The following CDH18 variants were observed in gnomAD, a reference collection of about 807,000 sequenced individuals.
CDH18 encodes the protein cadherin 18, also known as cadherin-18.
A neutral mutation model predicts 67.9 loss-of-function variants in CDH18; 31 were observed. That is an observed-to-expected ratio of 0.46 (90% CI 0.34 to 0.62). CDH18 has a LOEUF of 0.62. Ranked by LOEUF, CDH18 falls within the 20% of genes least tolerant of loss-of-function variation. The pLI is 0.01. For synonymous variants in CDH18, 362 were observed against 347.2 expected (o/e 1.04, Z -0.48); for missense variants, 890 against 975.5 (o/e 0.91, Z 1.17).
chr5:19,884,749 T>G (rs1788019104), intron 2 of CDH18, among the ~76,000 whole-genome samples: 2 of 152,054 alleles, frequency 1.3e-5, no homozygotes, highest in African/African-American at 4.8e-5. Flanking sequence ...ATTTTATTGT[T>G]GCTTGAAAGG....
At chr5:19,696,311 T>C (rs1762536872) in intron 5 of CDH18, among the ~76,000 whole-genome samples, 2 of 151,630 alleles carry the variant, frequency 1.3e-5, no homozygotes, top group South Asian at 4.2e-4. Context: ...TGGAGTGCAG[T>C]GGCTTGATCT....
chr5:20,054,764 A>G (rs1741756206), intron 2 of CDH18, among the ~76,000 whole-genome samples: 1 of 152,196 alleles, frequency 6.6e-6, no homozygotes, highest in African/African-American at 2.4e-5. Flanking sequence ...GACCCTTTGG[A>G]AAAATGTATC....
At chr5:20,301,103 T>C (rs1181019846) in intron 1 of CDH18, among the ~76,000 whole-genome samples, 5 of 152,184 alleles carry the variant, frequency 3.3e-5, no homozygotes, top group African/African-American at 1.2e-4. Flanking sequence ...TTTTTTTCAA[T>C]GAGCATCTTT....
chr5:20,200,546 T>G (rs1739371220), intron 2 of CDH18, among the ~76,000 whole-genome samples: 3 of 152,016 alleles, frequency 2.0e-5, no homozygotes, highest in African/African-American at 7.2e-5. Context: ...CTTGGTGGTG[T>G]GTATCTGTAG....
At chr5:20,125,551 AAAGT>A (rs1265638039) in intron 2 of CDH18, among the ~76,000 whole-genome samples, 1 of 152,186 alleles carries the variant, frequency 6.6e-6, no homozygotes, top group Non-Finnish European at 1.5e-5. Context: ...CAAACTTTTA[AAAGT>A]AACCTTCCAT....
chr5:19,537,347 A>G (rs1229727643), intron 9 of CDH18, among the ~76,000 whole-genome samples: 7 of 152,058 alleles, frequency 4.6e-5, no homozygotes, highest in Non-Finnish European at 5.9e-5. Context: ...CCAATTTTTT[A>G]TAATAAATCT....
chr5:20,198,729 A>C (rs1012077636), intron 2 of CDH18, among the ~76,000 whole-genome samples: 2 of 152,216 alleles, frequency 1.3e-5, no homozygotes, highest in South Asian at 4.1e-4. Context: ...ACCCCCACCC[A>C]TGACAGGCCT....
At chr5:19,941,409 C>T (rs369312299) in intron 2 of CDH18, among the ~76,000 whole-genome samples, 41 of 152,100 alleles carry the variant, frequency 2.7e-4, no homozygotes, top group Admixed American at 5.2e-4. Context: ...TTGGTTGAGA[C>T]GGGACTGAGT....
intron 6 of CDH18, among the ~76,000 whole-genome samples, chr5:19,603,127 C>G (rs1394052456): frequency 6.6e-6 from 1 of 152,064 alleles, no homozygotes; most frequent in Non-Finnish European, 1.5e-5. Flanking sequence ...CATGCAGCAA[C>G]AGAGGAACTG....
chr5:20,386,828 A>G (rs1165640862), intron 1 of CDH18, among the ~76,000 whole-genome samples: 1 of 152,066 alleles, frequency 6.6e-6, no homozygotes, highest in African/African-American at 2.4e-5. Flanking sequence ...AGAAAACACA[A>G]AATCCCCAAA....
At chr5:19,732,277 CA>C (rs937310517) in intron 4 of CDH18, among the ~76,000 whole-genome samples, 43 of 145,142 alleles carry the variant, frequency 3.0e-4, no homozygotes, top group African/African-American at 6.8e-4. Context: ...CTAGTTTCTA[CA>C]AAAAAAAAAG....
chr5:19,504,839 C>T (rs1743837026), intron 10 of CDH18, among the ~76,000 whole-genome samples: 1 of 152,014 alleles, frequency 6.6e-6, no homozygotes, highest in South Asian at 2.1e-4. Context: ...ATCCAAGAAT[C>T]GAATTTCGGA....
At chr5:20,512,402 T>C (rs1755093784) in intron 1 of CDH18, among the ~76,000 whole-genome samples, 1 of 152,172 alleles carries the variant, frequency 6.6e-6, no homozygotes, top group East Asian at 1.9e-4. Flanking sequence ...TGATTGAGTT[T>C]GACATGATTT....
chr5:19,908,107 A>G (rs1468995210), intron 2 of CDH18, among the ~76,000 whole-genome samples: 2 of 152,172 alleles, frequency 1.3e-5, no homozygotes, highest in Non-Finnish European at 2.9e-5. Flanking sequence ...GGAAGTAAAA[A>G]TCATATTCAG....
intron 5 of CDH18, among the ~76,000 whole-genome samples, chr5:19,669,082 C>T (rs11951166): frequency 0.21 from 30,214 of 147,232 alleles, 3,624 homozygotes; most frequent in Non-Finnish European, 0.26. Flanking sequence ...ATGATTACTT[C>T]CAACTTGATT....
chr5:19,639,538 CAA>C (rs1484461800), intron 5 of CDH18, among the ~76,000 whole-genome samples: 1 of 152,186 alleles, frequency 6.6e-6, no homozygotes, highest in East Asian at 1.9e-4. Flanking sequence ...CACTATGGGA[CAA>C]AGCGACTACA....
At chr5:20,407,124 A>T (rs1304498465) in intron 1 of CDH18, among the ~76,000 whole-genome samples, 1 of 152,202 alleles carries the variant, frequency 6.6e-6, no homozygotes, top group Non-Finnish European at 1.5e-5. Context: ...ACAATATAGT[A>T]GTCTAAACTG....
intron 12 of CDH18, among the ~76,000 whole-genome samples, chr5:19,479,061 A>G (rs1738965194): frequency 6.6e-6 from 1 of 152,234 alleles, no homozygotes; most frequent in African/African-American, 2.4e-5. Context: ...ACCATATGCA[A>G]TCTTTAATAA....
chr5:20,553,910 T>C (rs764716323), intron 1 of CDH18, among the ~76,000 whole-genome samples: 2 of 152,218 alleles, frequency 1.3e-5, no homozygotes, highest in Non-Finnish European at 2.9e-5. Flanking sequence ...ATTACATTTT[T>C]AGTAAAGCTA....
Sources: gnomAD v4.1 joint callset for allele counts (sites outside exome capture counted in the v4.1 genomes callset) on GRCh38, gnomAD v4.1.1 for gene constraint, MANE v1.5 for transcripts, NCBI Gene and HGNC (gene_info 2026-07-23, HGNC 2026-07-21) for gene names.